The following PTPRD variants were observed in gnomAD, a reference collection of about 807,000 sequenced individuals.
PTPRD encodes the protein receptor-type tyrosine-protein phosphatase delta.
A neutral mutation model predicts 214.5 loss-of-function variants in PTPRD; 34 were observed. That is an observed-to-expected ratio of 0.16 (90% confidence interval 0.12 to 0.21). PTPRD has a LOEUF of 0.21. Ranked by LOEUF, PTPRD falls within the 10% of genes least tolerant of loss-of-function variation. PTPRD has a pLI of 1.00. For missense variants in PTPRD, 2,545 were observed against 2,398.7 expected (o/e 1.06, Z -1.27); for synonymous variants, 1,128 against 845.7 (o/e 1.33, Z -5.79).
At chr9:9,712,501 C>CA (rs1457094023) in intron 7 of PTPRD, among the ~76,000 whole-genome samples, 1 of 152,170 alleles carries the variant, frequency 6.6e-6, no homozygotes, top group East Asian at 1.9e-4. Context: ...ATTGAACCCG[C>CA]AGGGAAGAAA....
chr9:8,437,456 C>A (rs961624420), intron 34 of PTPRD, among the ~76,000 whole-genome samples: 1 of 152,134 alleles, frequency 6.6e-6, no homozygotes, highest in Non-Finnish European at 1.5e-5. Flanking sequence ...CATGCAAACA[C>A]AGACACAAAG....
intron 9 of PTPRD, among the ~76,000 whole-genome samples, chr9:9,239,120 A>G (rs1261032248): frequency 6.6e-6 from 1 of 152,014 alleles, no homozygotes; most frequent in Non-Finnish European, 1.5e-5. Flanking sequence ...TGTCTTCTCT[A>G]GAACTATGCT....
At chr9:8,537,212 G>A (rs751157077) in intron 14 of PTPRD, among the ~76,000 whole-genome samples, 11 of 151,824 alleles carry the variant, frequency 7.2e-5, no homozygotes, top group Non-Finnish European at 1.3e-4. Context: ...CTAAATCACC[G>A]TTTTCTAGCA....
At chr9:8,517,020 G>A (rs1489098922) in intron 21 of PTPRD, among the ~76,000 whole-genome samples, 3 of 151,922 alleles carry the variant, frequency 2.0e-5, no homozygotes, top group African/African-American at 7.3e-5. Context: ...CCATTGGCCA[G>A]GCTGGTCTCA....
chr9:10,511,381 G>A (rs182371610), intron 2 of PTPRD, among the ~76,000 whole-genome samples: 61 of 151,946 alleles, frequency 4.0e-4, no homozygotes, highest in Middle Eastern at 3.4e-3. Flanking sequence ...TTACCTCACC[G>A]GCATTTGCTG....
chr9:9,801,427 C>A (rs956372306), intron 5 of PTPRD, among the ~76,000 whole-genome samples: 3 of 151,956 alleles, frequency 2.0e-5, no homozygotes, highest in African/African-American at 7.2e-5. Flanking sequence ...TCAAAGGCTG[C>A]CCTTCTATAA....
chr9:8,998,340 A>G lies in PTPRD; in HGVS notation c.-104+20357T>C, dbSNP rs565842170. Among the ~76,000 whole-genome samples the G allele has an allele frequency of 3.3e-5, 5 of 152,150 alleles. No homozygotes were observed. The East Asian group carries it at 9.7e-4, about 30-fold the overall frequency. On this transcript the variant is annotated intron_variant, in intron 11 of 45. Transcript: ENST00000381196. ...TAGTGGAAGACAATACTCATTTACC[A>G]TTCCAAAAATCTCAGGGCCCTTAAG...
chr9:9,242,171 T>G (rs1016396086), intron 9 of PTPRD, among the ~76,000 whole-genome samples: 1 of 152,158 alleles, frequency 6.6e-6, no homozygotes, highest in Non-Finnish European at 1.5e-5. Context: ...TGAATATTGG[T>G]ACCCACTCTC....
intron 10 of PTPRD, among the ~76,000 whole-genome samples, chr9:9,152,323 T>C (rs112125949): frequency 2.0e-5 from 3 of 152,330 alleles, no homozygotes; most frequent in African/African-American, 7.2e-5. Context: ...TTTCAGAATA[T>C]ATGTAATACA....
At chr9:9,534,280 A>G (rs2076082147) in intron 8 of PTPRD, among the ~76,000 whole-genome samples, 1 of 152,094 alleles carries the variant, frequency 6.6e-6, no homozygotes, top group Non-Finnish European at 1.5e-5. Context: ...TATTATTTAT[A>G]CAATATTGAA....
At chr9:9,981,824 AATC>A (rs1244651745) in intron 4 of PTPRD, among the ~76,000 whole-genome samples, 1 of 152,092 alleles carries the variant, frequency 6.6e-6, no homozygotes, top group Non-Finnish European at 1.5e-5. Context: ...TATCATCTAA[AATC>A]ATATTTATTT....
rs868226618 is a variant in PTPRD, at chr9:10,351,446, T to C, written c.-599-10429A>G. Among the ~76,000 whole-genome samples the C allele has an allele frequency of 1.1e-4, 16 of 152,194 alleles. No homozygotes were observed. The South Asian group carries it at 2.3e-3, about 22-fold the overall frequency. On this transcript the variant is annotated intron_variant, in intron 2 of 45. Transcript: ENST00000381196. ...CACATCTTCTTTGTAGAAAAGGGAA[T>C]GGATTTGTTCAAATGGGACCTCTTA... is the stretch of plus-strand genomic sequence containing the variant.
At chr9:10,156,247 T>C (rs532448161) in intron 3 of PTPRD, among the ~76,000 whole-genome samples, 52 of 152,150 alleles carry the variant, frequency 3.4e-4, no homozygotes, top group Non-Finnish European at 5.9e-4. Flanking sequence ...TTTGAGATTG[T>C]TCTAACTTTT....
intron 37 of PTPRD, among the ~76,000 whole-genome samples, chr9:8,384,700 A>G (rs1018239519): frequency 3.3e-5 from 5 of 151,790 alleles, no homozygotes; most frequent in Non-Finnish European, 7.4e-5. Context: ...CCAATTTTGT[A>G]TTTTTAGTAG....
rs775148934 is a variant in PTPRD at position 8,485,877 on chromosome 9, T to G, written c.2940A>C (p.Thr980=). 1.7e-5 allele frequency: 28 copies of G among 1,614,008 alleles called. No individual in the cohort carries two copies. The highest frequency in any genetic ancestry group is 2.4e-5 in the Non-Finnish European group (28 of 1,179,990). Reference sequence around the variant, plus strand: ...TGGTATCTGGTTTTAAGCCAGTGAGTGTCATAGTGGTGTCAGCTGGAACAA... The same window carrying G: ...TGGTATCTGGTTTTAAGCCAGTGAGGGTCATAGTGGTGTCAGCTGGAACAA... ...QLIVPADTTM[T]LTGLKPDTTY... is the part of the protein sequence containing the mutation. Residue 980 remains threonine (T), a synonymous_variant, in exon 28 of 46, where the codon ACA becomes ACC. Transcript: ENST00000381196.
intron 11 of PTPRD, among the ~76,000 whole-genome samples, chr9:8,896,443 A>C (rs1380238979): frequency 6.6e-6 from 1 of 152,222 alleles, no homozygotes; most frequent in Non-Finnish European, 1.5e-5. Flanking sequence ...AGCTTAAAAT[A>C]GCATAAAATA....
chr9:9,727,426 G>T (rs996300299), intron 7 of PTPRD, among the ~76,000 whole-genome samples: 2 of 152,060 alleles, frequency 1.3e-5, no homozygotes, highest in Non-Finnish European at 2.9e-5. Context: ...CTCTAGCCTG[G>T]ATAACCAGAG....
At chr9:8,642,601 A>T (rs1444954396) in intron 12 of PTPRD, among the ~76,000 whole-genome samples, 2 of 152,032 alleles carry the variant, frequency 1.3e-5, no homozygotes, top group Non-Finnish European at 2.9e-5. Flanking sequence ...TCTGAAGGAG[A>T]GCTCAGGAAC....
chr9:9,143,347 CTT>C (rs1458159969), intron 10 of PTPRD, among the ~76,000 whole-genome samples: 1 of 152,188 alleles, frequency 6.6e-6, no homozygotes, highest in Non-Finnish European at 1.5e-5. Flanking sequence ...AATTTTGACT[CTT>C]ATTACAATGT....
Sources: allele counts gnomAD v4.1 joint callset (sites outside exome capture counted in the v4.1 genomes callset), GRCh38; gene constraint gnomAD v4.1.1; transcripts MANE v1.5; gene names NCBI Gene and HGNC (gene_info 2026-07-23, HGNC 2026-07-21).